Variants in CRPPA observed in about 807,000 individuals in gnomAD.
The protein encoded by CRPPA is CDP-L-ribitol pyrophosphorylase A, also known as D-ribitol-5-phosphate cytidylyltransferase.
Under a neutral mutation model 52.0 loss-of-function variants are expected in CRPPA, and 43 were observed. The observed-to-expected ratio is 0.83, with a 90% CI of 0.65 to 1.07. The LOEUF is 1.07. CRPPA is among the 50% of genes least tolerant of loss of function. CRPPA has a pLI of 0.00. For synonymous variants in CRPPA, 250 were observed against 203.5 expected (o/e 1.23, Z -1.94); for missense variants, 629 against 551.7 (o/e 1.14, Z -1.40).
At chr7:16,397,321 G>T (rs1478865665) in intron 2 of CRPPA, among the ~76,000 whole-genome samples, 1 of 152,016 alleles carries the variant, frequency 6.6e-6, no homozygotes, top group Non-Finnish European at 1.5e-5. Flanking sequence ...GACACGTGAT[G>T]GACACGTGTG....
At chr7:16,192,755 G>A (rs137915573) in intron 9 of CRPPA, among the ~76,000 whole-genome samples, 208 of 152,222 alleles carry the variant, frequency 1.4e-3, no homozygotes, top group African/African-American at 4.8e-3. Context: ...TAGGTGATAG[G>A]TAGAGATGGA....
rs1177014036 is a variant in CRPPA at position 16,301,364 on chromosome 7, C to G, written c.835+57G>C. On this transcript the variant is annotated intron_variant, in intron 5 of 9. Coordinates refer to ENST00000407010, the MANE Select transcript of CRPPA (RefSeq NM_001101426.4). ...GGGATTTAAACTGTCATGAGAAATT[C>G]CGAACTGGCTTACATTTTTGAAACA... 11 of 1,415,772 alleles carry G rather than the reference C, an allele frequency of 7.8e-6. No individual in the cohort carries two copies. In the East Asian group the frequency reaches 2.5e-4, roughly 33 times the overall value. The allele number at this position is 1,415,772 out of a possible 1,614,324, so 87.7% of individuals were successfully genotyped here.
At chr7:16,213,356 A>C (rs940309157) in intron 9 of CRPPA, among the ~76,000 whole-genome samples, 5 of 152,238 alleles carry the variant, frequency 3.3e-5, no homozygotes, top group Admixed American at 3.3e-4. Flanking sequence ...AGTCTAATTT[A>C]ATTTTGTTAC....
chr7:16,235,628 C>T (rs1782928504), intron 8 of CRPPA, among the ~76,000 whole-genome samples: 1 of 151,924 alleles, frequency 6.6e-6, no homozygotes, highest in South Asian at 2.1e-4. Context: ...AAAATATTTA[C>T]TATCTGTTTC....
intron 6 of CRPPA, among the ~76,000 whole-genome samples, chr7:16,272,185 C>G (rs1370628633): frequency 6.6e-6 from 1 of 152,088 alleles, no homozygotes; most frequent in African/African-American, 2.4e-5. Flanking sequence ...GATAGCAAAG[C>G]CTTGTCCTTT....
In CRPPA at chr7:16,218,858, C is replaced by T. The variant is rs1448162439; in HGVS notation, c.1120-2661G>A. Among the ~76,000 whole-genome samples, 19 of 149,922 alleles carry T rather than the reference C, an allele frequency of 1.3e-4. No individual in the cohort carries two copies. In the South Asian group the frequency reaches 3.0e-3, roughly 24 times the overall value. ...ATTAATAATGGGAGACTTTAACACC[C>T]CACTGTCAACATTAGACAGATCAAC... On this transcript the variant is annotated intron_variant, in intron 8 of 9. Coordinates refer to ENST00000407010, the MANE Select transcript of CRPPA (RefSeq NM_001101426.4).
At chr7:16,246,417 T>G (rs1165158717) in intron 8 of CRPPA, among the ~76,000 whole-genome samples, 1 of 152,192 alleles carries the variant, frequency 6.6e-6, no homozygotes. Flanking sequence ...TCCATGAGGT[T>G]TGGATTATGA....
intron 3 of CRPPA, among the ~76,000 whole-genome samples, chr7:16,354,375 G>C (rs1786242582): frequency 6.6e-6 from 1 of 151,996 alleles, no homozygotes; most frequent in African/African-American, 2.4e-5. Flanking sequence ...AAAACAAAGG[G>C]CATTTATGCA....
intron 3 of CRPPA, among the ~76,000 whole-genome samples, chr7:16,373,191 G>A (rs1286783562): frequency 6.6e-6 from 1 of 152,118 alleles, no homozygotes; most frequent in Non-Finnish European, 1.5e-5. Flanking sequence ...AGCTATTTGG[G>A]AGGCTGAGGC....
At chr7:16,372,515 C>G (rs1583556053) in intron 3 of CRPPA, among the ~76,000 whole-genome samples, 1 of 152,228 alleles carries the variant, frequency 6.6e-6, no homozygotes, top group East Asian at 1.9e-4. Flanking sequence ...TTTGCCACTA[C>G]CAAACCAGCA....
intron 3 of CRPPA, among the ~76,000 whole-genome samples, chr7:16,315,950 A>T (rs1269444608): frequency 2.6e-5 from 4 of 151,744 alleles, no homozygotes; most frequent in Non-Finnish European, 4.4e-5. Context: ...AGATATGAAA[A>T]GTTTATTTTT....
intron 1 of CRPPA, among the ~76,000 whole-genome samples, chr7:16,416,103 C>A (rs549296884): frequency 2.0e-5 from 3 of 152,200 alleles, no homozygotes; most frequent in Admixed American, 2.0e-4. Flanking sequence ...TTATGAGGGG[C>A]AAATAAAATG....
At chr7:16,146,284 CCTTTATCT>C (rs1212150450) in intron 9 of CRPPA, among the ~76,000 whole-genome samples, 1 of 151,322 alleles carries the variant, frequency 6.6e-6, no homozygotes, top group Non-Finnish European at 1.5e-5. Flanking sequence ...TAAAGACTTT[CCTTTATCT>C]CTTTATCTCT....
At chr7:16,172,835 G>C (rs1482601694) in intron 9 of CRPPA, among the ~76,000 whole-genome samples, 1 of 152,064 alleles carries the variant, frequency 6.6e-6, no homozygotes, top group African/African-American at 2.4e-5. Flanking sequence ...GTATCAAGAA[G>C]CCATCAACAC....
At chr7:16,236,038 C>T (rs1437359299) in intron 8 of CRPPA, 1 of 151,944 alleles carries the variant, frequency 6.6e-6, no homozygotes, top group Non-Finnish European at 1.5e-5. Flanking sequence ...CATTAGCAGG[C>T]CACATTTGCT....
chr7:16,361,929 A>G, intron 3 of CRPPA, among the ~76,000 whole-genome samples: 1 of 152,066 alleles, frequency 6.6e-6, no homozygotes, highest in East Asian at 1.9e-4. Context: ...ATCTCGGCTC[A>G]CTGCAAACTC....
intron 3 of CRPPA, among the ~76,000 whole-genome samples, chr7:16,344,467 G>C (rs942496121): frequency 3.3e-5 from 5 of 149,996 alleles, no homozygotes; most frequent in Admixed American, 3.3e-4. Flanking sequence ...CTGCCTACTT[G>C]AGTGGATCAC....
At chr7:16,276,273 A>G (rs1481197772) in intron 6 of CRPPA, among the ~76,000 whole-genome samples, 6 of 152,158 alleles carry the variant, frequency 3.9e-5, no homozygotes, top group African/African-American at 7.2e-5. Flanking sequence ...TAAAGAAATA[A>G]TGTCAAATAA....
intron 2 of CRPPA, among the ~76,000 whole-genome samples, chr7:16,397,109 A>C (rs1490845346): frequency 6.6e-6 from 1 of 152,242 alleles, no homozygotes; most frequent in African/African-American, 2.4e-5. Flanking sequence ...GAAATAAGAC[A>C]CGTGGACACA....
Sources: allele counts gnomAD v4.1 joint callset (sites outside exome capture counted in the v4.1 genomes callset), GRCh38; gene constraint gnomAD v4.1.1; transcripts MANE v1.5; gene names NCBI Gene and HGNC (gene_info 2026-07-23, HGNC 2026-07-21).